Variants in CFAP61 observed in about 807,000 individuals in gnomAD.
CFAP61 encodes cilia and flagella associated protein 61, also known as cilia- and flagella-associated protein 61.
A neutral mutation model predicts 135.6 loss-of-function variants in CFAP61; 107 were observed. The ratio of observed to expected loss-of-function variants is 0.79; its 90% CI spans 0.67 to 0.93. CFAP61 has a LOEUF of 0.93. Ranked by LOEUF, CFAP61 falls within the 40% of genes least tolerant of loss-of-function variation. The pLI is 0.00. For missense variants in CFAP61, 1,507 were observed against 1,556.2 expected, an observed-to-expected ratio of 0.97 and a Z score of 0.53; for synonymous variants, 575 against 578.5, an observed-to-expected ratio of 0.99 and a Z score of 0.09.
At chr20:20,253,299 G>A (rs1248120689) in intron 20 of CFAP61, 1 of 147,506 alleles carries the variant, frequency 6.8e-6, no homozygotes, top group Non-Finnish European at 1.5e-5. Flanking sequence ...ATTGTTGGAT[G>A]AGTCTATTCC....
chr20:20,100,104 A>G (rs2047907004), intron 8 of CFAP61, among the ~76,000 whole-genome samples: 1 of 152,072 alleles, frequency 6.6e-6, no homozygotes, highest in Non-Finnish European at 1.5e-5. Context: ...AGTGTGAGAC[A>G]GTCTGGAACC....
At chr20:20,126,575 G>A (rs2050081284) in intron 8 of CFAP61, among the ~76,000 whole-genome samples, 1 of 151,904 alleles carries the variant, frequency 6.6e-6, no homozygotes, top group South Asian at 2.1e-4. Flanking sequence ...GGTTTCTGCT[G>A]AGAAATCTGC....
At chr20:20,336,725 G>A (rs182167026) in intron 25 of CFAP61, among the ~76,000 whole-genome samples, 36 of 152,258 alleles carry the variant, frequency 2.4e-4, no homozygotes, top group Middle Eastern at 3.4e-3. Flanking sequence ...GCAAACACTA[G>A]CCCAAGAGAG....
rs112704874 is a variant in CFAP61 at position 20,289,013 on chromosome 20, T to C, written c.3124+77T>C. On this transcript the variant is annotated intron_variant, in intron 23 of 26. Transcript: ENST00000245957. ...TCAGCAGTCAGGCCAGTCCTCCAGGTTTCTCTTAGGCTTGGGGAAAAGGCT... is the reference window on the plus strand; with the variant it reads ...TCAGCAGTCAGGCCAGTCCTCCAGGCTTCTCTTAGGCTTGGGGAAAAGGCT... The C allele has an allele frequency of 9.1e-6, 11 of 1,211,588 alleles. No homozygotes were observed. In the African/African-American group the frequency reaches 1.1e-4, roughly 12 times the overall value. The allele number at this position is 1,211,588 out of a possible 1,614,324, so 75.1% of individuals were successfully genotyped here.
In CFAP61 at chr20:20,311,125, A is replaced by G. The variant is rs547731064; in HGVS notation, c.3422+12739A>G. On this transcript the variant is annotated intron_variant, in intron 25 of 26. Transcript: ENST00000245957. ...AGTATCTTGAGTGTGGCTGGCTGAA[A>G]CAGTCTACAGTATCTCTCATAGCTA... is the stretch of plus-strand genomic sequence containing the variant. Among the ~76,000 whole-genome samples the G allele has an allele frequency of 3.3e-5, 5 of 152,342 alleles. No individual in the cohort carries two copies. The South Asian group carries it at 6.2e-4, about 19-fold the overall frequency.
intron 25 of CFAP61, among the ~76,000 whole-genome samples, chr20:20,325,137 C>T (rs369219350): frequency 1.3e-4 from 20 of 152,046 alleles, no homozygotes; most frequent in African/African-American, 4.8e-4. Flanking sequence ...TCCCACATAC[C>T]CTCCTCCACC....
intron 17 of CFAP61, among the ~76,000 whole-genome samples, chr20:20,213,268 A>G (rs532142862): frequency 6.6e-6 from 1 of 152,218 alleles, no homozygotes; most frequent in Non-Finnish European, 1.5e-5. Flanking sequence ...GAAGCCCATC[A>G]GATGCAATTA....
intron 9 of CFAP61, among the ~76,000 whole-genome samples, chr20:20,154,913 A>G (rs948923013): frequency 1.3e-5 from 2 of 152,140 alleles, no homozygotes; most frequent in African/African-American, 4.8e-5. Context: ...TCACAGAACT[A>G]GAAAAAACAA....
chr20:20,295,323 A>G (rs1292071777), intron 24 of CFAP61, among the ~76,000 whole-genome samples: 1 of 152,158 alleles, frequency 6.6e-6, no homozygotes, highest in Non-Finnish European at 1.5e-5. Flanking sequence ...CCCCCTTGAC[A>G]CCTGGGCTCC....
chr20:20,331,955 T>C (rs898802943), intron 25 of CFAP61, among the ~76,000 whole-genome samples: 2 of 152,198 alleles, frequency 1.3e-5, no homozygotes, highest in African/African-American at 4.8e-5. Flanking sequence ...AGCTTCCCCT[T>C]TTCTGCAGAA....
chr20:20,226,518 T>C (rs1378700325), intron 17 of CFAP61, among the ~76,000 whole-genome samples: 1 of 152,222 alleles, frequency 6.6e-6, no homozygotes, highest in Non-Finnish European at 1.5e-5. Context: ...ATCTGACTGA[T>C]ATGTATTGCT....
chr20:20,280,055 T>C (rs1045357680), intron 22 of CFAP61, among the ~76,000 whole-genome samples: 4 of 152,170 alleles, frequency 2.6e-5, no homozygotes, highest in Non-Finnish European at 4.4e-5. Flanking sequence ...GATATGTTGA[T>C]GTCCTGACCC....
At chr20:20,253,969 C>T (rs1315529616) in intron 20 of CFAP61, 2 of 103,144 alleles carry the variant, frequency 1.9e-5, no homozygotes, top group Admixed American at 9.7e-5. Flanking sequence ...CTCCCCTCCC[C>T]TCCCCTCCCC....
intron 18 of CFAP61, among the ~76,000 whole-genome samples, chr20:20,232,064 A>C (rs944035222): frequency 6.6e-6 from 1 of 152,144 alleles, no homozygotes; most frequent in Non-Finnish European, 1.5e-5. Flanking sequence ...AGAAAGCAGA[A>C]AGAGCTTGGC....
At chr20:20,099,581 G>T (rs572358618) in intron 8 of CFAP61, among the ~76,000 whole-genome samples, 2 of 151,908 alleles carry the variant, frequency 1.3e-5, no homozygotes, top group Non-Finnish European at 2.9e-5. Flanking sequence ...TCCCACACGG[G>T]GGGGGGGTTG....
chr20:20,192,212 G>C (rs568996916), intron 15 of CFAP61, among the ~76,000 whole-genome samples: 4 of 152,040 alleles, frequency 2.6e-5, no homozygotes, highest in Non-Finnish European at 5.9e-5. Flanking sequence ...TTTCTATGTT[G>C]TTGTTGTTGT....
At chr20:20,351,537 A>T (rs1194453782) in intron 26 of CFAP61, among the ~76,000 whole-genome samples, 2 of 150,596 alleles carry the variant, frequency 1.3e-5, no homozygotes, top group African/African-American at 4.9e-5. Context: ...AGCCGAGATC[A>T]TGCCACTGTA....
intron 25 of CFAP61, among the ~76,000 whole-genome samples, chr20:20,335,630 C>T (rs185841082): frequency 6.6e-6 from 1 of 152,192 alleles, no homozygotes; most frequent in East Asian, 1.9e-4. Context: ...GAGGCCAAGG[C>T]CCCTATGAAT....
At chr20:20,238,549 T>C (rs1015689639) in intron 18 of CFAP61, among the ~76,000 whole-genome samples, 3 of 152,354 alleles carry the variant, frequency 2.0e-5, no homozygotes, top group South Asian at 4.1e-4. Context: ...TTGCGTTTGC[T>C]ATGCCTGCAC....
Sources: gnomAD v4.1 joint callset for allele counts (sites outside exome capture counted in the v4.1 genomes callset) on GRCh38, gnomAD v4.1.1 for gene constraint, MANE v1.5 for transcripts, NCBI Gene and HGNC (gene_info 2026-07-23, HGNC 2026-07-21) for gene names.